TRPS1: variants seen among roughly 807,000 people sequenced by gnomAD.
The protein encoded by TRPS1 is transcriptional repressor GATA binding 1, also known as zinc finger transcription factor Trps1.
In TRPS1, 6 loss-of-function variants were observed where a neutral mutation model predicts 101.2. The observed-to-expected ratio is 0.06, with a 90% CI of 0.03 to 0.12. TRPS1 has a LOEUF of 0.12. Among genes scored for constraint, TRPS1 ranks in the 10% least tolerant of loss-of-function variants. TRPS1 has a pLI of 1.00. For synonymous variants in TRPS1, 578 were observed against 589.8 expected (o/e 0.98, Z 0.29); for missense variants, 1,363 against 1,567.0 (o/e 0.87, Z 2.20).
intron 5 of TRPS1, among the ~76,000 whole-genome samples, chr8:115,574,727 AG>A (rs1289686147): frequency 8.0e-6 from 1 of 125,492 alleles, no homozygotes; most frequent in Non-Finnish European, 1.6e-5. Flanking sequence ...AATGTTTTGA[AG>A]GCAGTTAAAT....
Position 115,667,510 on chromosome 8 carries a change from T to C in TRPS1, c.-122+1035A>G, listed in dbSNP as rs1393433253. Among the ~76,000 whole-genome samples, 2 of 152,170 alleles carry C rather than the reference T, an allele frequency of 1.3e-5. 1 individual carries two copies. Among genetic ancestry groups the C allele is most frequent in the Non-Finnish European group, 2.9e-5 (2 of 68,028 alleles). ...GGATGTCCCACCGCTGTCAGGCATTTAATCACCGGCCAGTGTCCCCTGACC... is the reference window on the plus strand; with the variant it reads ...GGATGTCCCACCGCTGTCAGGCATTCAATCACCGGCCAGTGTCCCCTGACC... On this transcript the variant is annotated intron_variant, in intron 1 of 6. Coordinates refer to ENST00000395715, the MANE Select transcript of TRPS1 (RefSeq NM_014112.5).
rs1245902947 is a variant in TRPS1, at chr8:115,410,480, T to C, written c.*3543A>G. On this transcript the variant is annotated 3_prime_UTR_variant, in exon 7 of 7. Coordinates refer to ENST00000395715, the MANE Select transcript of TRPS1 (RefSeq NM_014112.5). ...AACAGAACATCACTATCTTAAAAGT[T>C]GATTAAAAAAAATCTCAATATGTCA... is the stretch of plus-strand genomic sequence containing the variant. 6.6e-6 allele frequency: 1 copy of C among 152,482 alleles called. No homozygotes were observed. Among genetic ancestry groups the C allele is most frequent in the Non-Finnish European group, 1.5e-5 (1 of 67,996 alleles). The allele number at this position is 152,482 out of a possible 1,614,324, so 9.4% of individuals were successfully genotyped here.
At chr8:115,496,030 A>G (rs539145684) in intron 5 of TRPS1, among the ~76,000 whole-genome samples, 1 of 152,134 alleles carries the variant, frequency 6.6e-6, no homozygotes, top group Admixed American at 6.6e-5. Flanking sequence ...AACCCCCTCA[A>G]TTCCCCCTCT....
intron 3 of TRPS1, among the ~76,000 whole-genome samples, chr8:115,609,978 C>T (rs1818126451): frequency 6.6e-6 from 1 of 152,122 alleles, no homozygotes; most frequent in Non-Finnish European, 1.5e-5. Context: ...CAAAAGCTAA[C>T]AAGAATAATA....
At chr8:115,629,888 G>A (rs1173459480) in intron 1 of TRPS1, among the ~76,000 whole-genome samples, 1 of 151,746 alleles carries the variant, frequency 6.6e-6, no homozygotes, top group African/African-American at 2.4e-5. Context: ...CCAATGCCTG[G>A]GGTCACAATC....
intron 5 of TRPS1, among the ~76,000 whole-genome samples, chr8:115,444,004 T>G (rs1563735259): frequency 6.6e-6 from 1 of 152,188 alleles, no homozygotes; most frequent in Non-Finnish European, 1.5e-5. Flanking sequence ...CCCCAAACAT[T>G]TAAAGATCCC....
chr8:115,503,406 C>G (rs897611415), intron 5 of TRPS1, among the ~76,000 whole-genome samples: 1 of 151,934 alleles, frequency 6.6e-6, no homozygotes, highest in African/African-American at 2.4e-5. Flanking sequence ...AAGTTTAAGA[C>G]TAGGCATAAA....
At chr8:115,549,824 C>A (rs889676592) in intron 5 of TRPS1, among the ~76,000 whole-genome samples, 5 of 152,144 alleles carry the variant, frequency 3.3e-5, no homozygotes, top group African/African-American at 9.7e-5. Context: ...TACTATGCAG[C>A]AATTGTAGGA....
chr8:115,514,826 T>C (rs1486044917), intron 5 of TRPS1, among the ~76,000 whole-genome samples: 1 of 151,746 alleles, frequency 6.6e-6, no homozygotes, highest in East Asian at 1.9e-4. Flanking sequence ...TAAGAAATAC[T>C]GTGGTTACAA....
chr8:115,441,112 G>C (rs1247333823), intron 5 of TRPS1, among the ~76,000 whole-genome samples: 1 of 152,072 alleles, frequency 6.6e-6, no homozygotes, highest in Non-Finnish European at 1.5e-5. Flanking sequence ...TTTTAATTAG[G>C]CCGCCTTTCT....
intron 5 of TRPS1, among the ~76,000 whole-genome samples, chr8:115,461,346 C>T (rs1055837357): frequency 1.4e-5 from 2 of 147,420 alleles, no homozygotes; most frequent in Admixed American, 6.7e-5. Context: ...CATACATACC[C>T]ACACAAGTAG....
intron 1 of TRPS1, among the ~76,000 whole-genome samples, chr8:115,646,680 G>A (rs1719014727): frequency 6.6e-6 from 1 of 152,122 alleles, no homozygotes; most frequent in Non-Finnish European, 1.5e-5. Flanking sequence ...TTCTGGTGCT[G>A]TGCTTTCAAT....
rs1177318961 is a variant in TRPS1 at position 115,517,174 on chromosome 8, TA to T, written c.2700+69826del. ...AAAATATAAAATCTCTATCTTTCCATAATCTTCAAAGTGGAATTGCCAATCT... is the reference window on the plus strand; with the variant it reads ...AAAATATAAAATCTCTATCTTTCCATATCTTCAAAGTGGAATTGCCAATCT... On this transcript the variant is annotated intron_variant, in intron 5 of 6. Coordinates refer to ENST00000395715, the MANE Select transcript of TRPS1 (RefSeq NM_014112.5). 2.0e-5 allele frequency among the ~76,000 whole-genome samples: 3 copies of T among 151,822 alleles called. No individual in the cohort carries two copies. The Admixed American group carries it at 2.0e-4, about 10-fold the overall frequency.
intron 5 of TRPS1, among the ~76,000 whole-genome samples, chr8:115,445,258 C>A (rs117169085): frequency 6.6e-6 from 1 of 152,136 alleles, no homozygotes; most frequent in Non-Finnish European, 1.5e-5. Flanking sequence ...ACTTTATATG[C>A]TACAATTTTG....
intron 5 of TRPS1, among the ~76,000 whole-genome samples, chr8:115,504,574 A>G (rs556145943): frequency 6.6e-6 from 1 of 152,130 alleles, no homozygotes; most frequent in Admixed American, 6.5e-5. Flanking sequence ...ACAGTTGTGT[A>G]TGTGTGTTTG....
In TRPS1 at chr8:115,665,178, T is replaced by C. The variant is rs148603042; in HGVS notation, c.-122+3367A>G. Among the ~76,000 whole-genome samples, 352 of 152,254 alleles carry C rather than the reference T, an allele frequency of 2.3e-3. 1 individual carries two copies. The highest frequency in any genetic ancestry group is 3.4e-3 in the Non-Finnish European group (233 of 67,970). On this transcript the variant is annotated intron_variant, in intron 1 of 6. Transcript: ENST00000395715. ...TATCAGCATTTATTCCAATTTCAAA[T>C]TTGGAATAAAGTTCTAGTTCAAAAA... is the stretch of plus-strand genomic sequence containing the variant.
chr8:115,623,848 C>A, intron 1 of TRPS1, 90 bp from the exon 2 acceptor site: 1 of 1,222,104 alleles, frequency 8.2e-7, no homozygotes, highest in South Asian at 2.0e-5. Flanking sequence ...AATATGCTGG[C>A]ATCATAGGCT....
chr8:115,592,215 T>C (rs943418415), intron 4 of TRPS1, among the ~76,000 whole-genome samples: 2 of 152,150 alleles, frequency 1.3e-5, no homozygotes, highest in African/African-American at 4.8e-5. Flanking sequence ...AACCAGAATA[T>C]CCTGGGCATA....
rs78938357 is a variant in TRPS1 at position 115,441,797 on chromosome 8, T to C, written c.2701-23345A>G. On this transcript the variant is annotated intron_variant, in intron 5 of 6. Transcript: ENST00000395715. ...AATCCACTGGGAAAATAATGAAAAA[T>C]GGCCTCATTATCCCTCTTTTTTGGT... Among the ~76,000 whole-genome samples the C allele has an allele frequency of 9.9e-3, 1,493 of 151,512 alleles. 38 individuals are homozygous for C. The highest frequency in any genetic ancestry group is 0.045 in the Admixed American group (666 of 14,842).
Sources: allele counts gnomAD v4.1 joint callset (sites outside exome capture counted in the v4.1 genomes callset), GRCh38; gene constraint gnomAD v4.1.1; transcripts MANE v1.5; gene names NCBI Gene and HGNC (gene_info 2026-07-23, HGNC 2026-07-21).